The following NLGN4X variants were observed in gnomAD, a reference collection of about 807,000 sequenced individuals.
NLGN4X encodes neuroligin 4 X-linked, also known as neuroligin-4, X-linked.
Under a neutral mutation model 40.3 loss-of-function variants are expected in NLGN4X, and 3 were observed. That is an observed-to-expected ratio of 0.07 (90% CI 0.03 to 0.19). NLGN4X has a LOEUF of 0.19. NLGN4X is among the 10% of genes least tolerant of loss of function. The pLI is 1.00. For missense variants in NLGN4X, 382 were observed against 708.3 expected, an observed-to-expected ratio of 0.54 and a Z score of 5.23; for synonymous variants, 270 against 306.8, an observed-to-expected ratio of 0.88 and a Z score of 1.25.
intron 2 of NLGN4X, among the ~76,000 whole-genome samples, chrX:6,143,040 T>C (rs1157869612): frequency 8.9e-6 from 1 of 112,385 alleles, no homozygotes; most frequent in East Asian, 2.8e-4. Flanking sequence ...CCTAGACTAA[T>C]ATACATACCA....
At chrX:5,938,822 T>C (rs1462506482) in intron 3 of NLGN4X, among the ~76,000 whole-genome samples, 1 of 111,661 alleles carries the variant, frequency 9.0e-6, no homozygotes, top group Non-Finnish European at 1.9e-5. Context: ...TTAGGAGACA[T>C]AACAGTTGAA....
At position 5,890,255 on chromosome X, in the gene NLGN4X, T is replaced by G; in HGVS notation, c.*2562A>C. 1 of 166,055 alleles carries G rather than the reference T, an allele frequency of 6.0e-6. No individual in the cohort carries two copies. Among genetic ancestry groups the G allele is most frequent in the Non-Finnish European group, 1.1e-5 (1 of 90,060 alleles). The allele number at this position is 166,055 out of a possible 1,213,427, so 13.7% of individuals were successfully genotyped here. ...TTTTTTTTTCTTACTTTTTTCTCAT[T>G]TTTTTTCTTTTTTCTCTTTTTTATA... is the stretch of plus-strand genomic sequence containing the variant. On this transcript the variant is annotated 3_prime_UTR_variant, in exon 6 of 6. Coordinates refer to ENST00000381095, the MANE Select transcript of NLGN4X (RefSeq NM_181332.3).
rs766560675 is a variant in NLGN4X at position 6,032,782 on chromosome X, A to G, written c.473-3350T>C. ...TCATATTGAGAAGGAAAATAAAGGG[A>G]AAAAAGAGAATTCAAAAACAACAGG... On this transcript the variant is annotated intron_variant, in intron 2 of 5. Transcript: ENST00000381095. 8.1e-6 allele frequency: 8 copies of G among 986,392 alleles called. No individual in the cohort carries two copies. In the African/African-American group the frequency reaches 1.3e-4, roughly 17 times the overall value. The allele number at this position is 986,392 out of a possible 1,213,427, so 81.3% of individuals were successfully genotyped here. A position where few individuals can be genotyped will look rare whatever the true frequency, so the allele number is the denominator to read the frequency against.
At chrX:5,909,574 C>T (rs1470163962) in intron 3 of NLGN4X, among the ~76,000 whole-genome samples, 2 of 106,350 alleles carry the variant, frequency 1.9e-5, no homozygotes, top group African/African-American at 7.0e-5. Context: ...TTTCTGTGCA[C>T]ATTTTCATTT....
chrX:5,917,730 C>T (rs150712257), intron 3 of NLGN4X, among the ~76,000 whole-genome samples: 2,031 of 110,447 alleles, frequency 0.018, 48 homozygotes, highest in African/African-American at 0.062. Flanking sequence ...AGTTTTGCTT[C>T]ATCTACACAT....
At chrX:6,138,952 T>C (rs2039884521) in intron 2 of NLGN4X, among the ~76,000 whole-genome samples, 1 of 111,655 alleles carries the variant, frequency 9.0e-6, no homozygotes, top group Admixed American at 9.6e-5. Flanking sequence ...GATGGTGAAA[T>C]TTGTTCTCAT....
chrX:5,942,742 C>T (rs940819948), intron 3 of NLGN4X, among the ~76,000 whole-genome samples: 1 of 110,302 alleles, frequency 9.1e-6, no homozygotes, highest in Non-Finnish European at 1.9e-5. Context: ...AGAATAATGG[C>T]GTTATCTTCC....
Position 5,929,863 on chromosome X carries a change from T to C in NLGN4X, c.626-20624A>G, listed in dbSNP as rs1046460164. On this transcript the variant is annotated intron_variant, in intron 3 of 5. Coordinates refer to ENST00000381095, the MANE Select transcript of NLGN4X (RefSeq NM_181332.3). ...GATTTTTGTGCTTAGATACTTAGGTTTGATAAAGAGTGGACAGTCATTGGA... is the reference window on the plus strand; with the variant it reads ...GATTTTTGTGCTTAGATACTTAGGTCTGATAAAGAGTGGACAGTCATTGGA... Among the ~76,000 whole-genome samples, 4 of 112,255 alleles carry C rather than the reference T, an allele frequency of 3.6e-5. No homozygotes were observed. In the East Asian group the frequency reaches 8.5e-4, roughly 24 times the overall value.
chrX:6,101,542 T>C (rs2038907856), intron 2 of NLGN4X, among the ~76,000 whole-genome samples: 1 of 111,732 alleles, frequency 8.9e-6, no homozygotes, highest in South Asian at 3.8e-4. Context: ...GAGATCATTA[T>C]GTTAAGTGAA....
intron 1 of NLGN4X, among the ~76,000 whole-genome samples, chrX:6,216,811 T>C (rs950914799): frequency 8.9e-6 from 1 of 111,748 alleles, no homozygotes; most frequent in Admixed American, 9.5e-5. Context: ...AGAGATGGAG[T>C]GTCACTCTGT....
intron 3 of NLGN4X, among the ~76,000 whole-genome samples, chrX:5,925,921 T>A (rs9699010): frequency 3.3e-5 from 2 of 61,067 alleles, no homozygotes; most frequent in African/African-American, 6.6e-5. Context: ...TATATATATA[T>A]ATATATATAT....
At chrX:5,894,967 TCTC>T (rs1176706554) in intron 5 of NLGN4X, among the ~76,000 whole-genome samples, 1 of 112,019 alleles carries the variant, frequency 8.9e-6, no homozygotes, top group Non-Finnish European at 1.9e-5. Context: ...CCAGGTAACT[TCTC>T]CTTGGCGGGA....
Position 5,903,139 on chromosome X carries a change from G to A in NLGN4X, c.1539C>T (p.Ser513=). 1.6e-6 allele frequency: 2 copies of A among 1,212,205 alleles called. No individual in the cohort carries two copies. The highest frequency in any genetic ancestry group is 1.1e-6 in the Non-Finnish European group (1 of 895,657). Reference sequence around the variant, plus strand: ...CGGCGCTGAGCATGACGTCGTTCTTGGAAAAGTTACAACTGAAGAGCTCGG... The same window carrying A: ...CGGCGCTGAGCATGACGTCGTTCTTAGAAAAGTTACAACTGAAGAGCTCGG... ...GPTELFSCNF[S]KNDVMLSAVV... is the part of the protein sequence containing the mutation. The change falls in exon 5 of 6, where the codon TCC becomes TCT. Residue 513 remains serine (S), a synonymous_variant. Coordinates refer to ENST00000381095, the MANE Select transcript of NLGN4X (RefSeq NM_181332.3).
chrX:6,094,660 C>T (rs2038717866), intron 2 of NLGN4X, among the ~76,000 whole-genome samples: 1 of 111,387 alleles, frequency 9.0e-6, no homozygotes, highest in African/African-American at 3.3e-5. Flanking sequence ...GGATACTAGA[C>T]AGGGTATGCA....
chrX:6,162,666 A>G (rs779595334), intron 1 of NLGN4X, among the ~76,000 whole-genome samples: 3 of 111,158 alleles, frequency 2.7e-5, no homozygotes, highest in South Asian at 3.9e-4. Context: ...TCCCCTTTAT[A>G]TATCTATCTG....
At chrX:6,094,845 T>C (rs768225226) in intron 2 of NLGN4X, among the ~76,000 whole-genome samples, 5 of 111,128 alleles carry the variant, frequency 4.5e-5, no homozygotes, top group Non-Finnish European at 9.4e-5. Context: ...GTTTCTGTAT[T>C]GAAGCATGAA....
rs1035132242 is a variant in NLGN4X, at chrX:6,074,739, G to A, written c.473-45307C>T. Among the ~76,000 whole-genome samples, 4 of 111,570 alleles carry A rather than the reference G, an allele frequency of 3.6e-5. No individual in the cohort carries two copies. The Admixed American group carries it at 3.8e-4, about 11-fold the overall frequency. ...ATGCAGAAGAAAGCAATGAAATCAT[G>A]AGACAAGAGTGAAAGTCTGATACTT... On this transcript the variant is annotated intron_variant, in intron 2 of 5. Coordinates refer to ENST00000381095, the MANE Select transcript of NLGN4X (RefSeq NM_181332.3).
At chrX:6,127,814 C>G (rs2039593253) in intron 2 of NLGN4X, among the ~76,000 whole-genome samples, 1 of 111,769 alleles carries the variant, frequency 8.9e-6, no homozygotes, top group Admixed American at 9.5e-5. Flanking sequence ...ATTTCTTTAA[C>G]AGGCACTACG....
At chrX:6,228,259 T>C (rs2147928677) in intron 1 of NLGN4X, among the ~76,000 whole-genome samples, 1 of 111,431 alleles carries the variant, frequency 9.0e-6, no homozygotes, top group Admixed American at 9.5e-5. Context: ...TAAGTGAAAA[T>C]AAAACCAAAT....
Sources: allele counts gnomAD v4.1 joint callset (sites outside exome capture counted in the v4.1 genomes callset), GRCh38; gene constraint gnomAD v4.1.1; transcripts MANE v1.5; gene names NCBI Gene and HGNC (gene_info 2026-07-23, HGNC 2026-07-21).